The following ZFHX3 variants were observed in gnomAD, a reference collection of about 807,000 sequenced individuals.
ZFHX3 encodes the protein zinc finger homeobox 3, also known as zinc finger homeobox protein 3.
ZFHX3 carries 42 observed loss-of-function variants against 279.1 expected under a neutral mutation model. That is an observed-to-expected ratio of 0.15 (90% CI 0.12 to 0.19). The LOEUF is 0.19. Among genes scored for constraint, ZFHX3 ranks in the 10% least tolerant of loss-of-function variants. The pLI, the probability that ZFHX3 is intolerant of heterozygous loss-of-function variation, is 1.00. For missense variants in ZFHX3, 4,981 were observed against 4,754.0 expected, an observed-to-expected ratio of 1.05 and a Z score of -1.40; for synonymous variants, 2,293 against 1,957.8, an observed-to-expected ratio of 1.17 and a Z score of -4.52.
chr16:73,377,901 C>T (rs1732888510), intron 3 of ZFHX3, among the ~76,000 whole-genome samples: 2 of 150,996 alleles, frequency 1.3e-5, no homozygotes, highest in East Asian at 1.9e-4. Context: ...GGCGTGGTGC[C>T]GAGCGCCTGT....
intron 4 of ZFHX3, among the ~76,000 whole-genome samples, chr16:73,258,912 T>C (rs1018951753): frequency 6.6e-6 from 1 of 152,226 alleles, no homozygotes; most frequent in Non-Finnish European, 1.5e-5. Flanking sequence ...TTCTTACATG[T>C]ACCTGAGTAG....
intron 5 of ZFHX3, among the ~76,000 whole-genome samples, chr16:73,242,085 C>T (rs2013141187): frequency 6.6e-6 from 1 of 152,086 alleles, no homozygotes; most frequent in South Asian, 2.1e-4. Flanking sequence ...CTTCTGGGTT[C>T]CTAACTAGCA....
At chr16:73,073,350 T>A (rs1965847592) in intron 8 of ZFHX3, among the ~76,000 whole-genome samples, 1 of 151,976 alleles carries the variant, frequency 6.6e-6, no homozygotes, top group Non-Finnish European at 1.5e-5. Flanking sequence ...GTGGAAGAGG[T>A]CGGTCATAGA....
intron 1 of ZFHX3, among the ~76,000 whole-genome samples, chr16:73,021,276 G>C (rs1964288906): frequency 6.6e-6 from 1 of 152,160 alleles, no homozygotes; most frequent in Non-Finnish European, 1.5e-5. Flanking sequence ...GAGCTGGCCA[G>C]CCCAGCCAAG....
intron 5 of ZFHX3, among the ~76,000 whole-genome samples, chr16:73,183,944 G>C (rs1256516885): frequency 6.6e-6 from 1 of 152,070 alleles, no homozygotes; most frequent in East Asian, 1.9e-4. Context: ...ATTAAAAACA[G>C]TTGTGAAACT....
At chr16:73,705,458 C>A in intron 1 of ZFHX3, among the ~76,000 whole-genome samples, 1 of 152,184 alleles carries the variant, frequency 6.6e-6, no homozygotes, top group Non-Finnish European at 1.5e-5. Context: ...TACTCTGATG[C>A]TGCAAAGGCG....
intron 2 of ZFHX3, among the ~76,000 whole-genome samples, chr16:73,545,477 T>C (rs1596990352): frequency 6.6e-6 from 1 of 152,156 alleles, no homozygotes; most frequent in Non-Finnish European, 1.5e-5. Context: ...GACATCCCCT[T>C]AGCTGAAGGA....
intron 3 of ZFHX3, among the ~76,000 whole-genome samples, chr16:72,945,717 C>T (rs1451768774): frequency 6.6e-6 from 1 of 152,076 alleles, no homozygotes. Context: ...AGGCAACTGG[C>T]TCCAGAATCC....
At chr16:73,590,654 A>G (rs1449397898) in intron 2 of ZFHX3, among the ~76,000 whole-genome samples, 3 of 152,228 alleles carry the variant, frequency 2.0e-5, no homozygotes, top group Non-Finnish European at 4.4e-5. Context: ...ATAATCAAGT[A>G]TTTGTCAGCA....
At chr16:73,448,722 A>G (rs866408548) in intron 3 of ZFHX3, among the ~76,000 whole-genome samples, 28 of 52,488 alleles carry the variant, frequency 5.3e-4, no homozygotes, top group South Asian at 7.9e-4. Flanking sequence ...GTGTGTGTGT[A>G]TCTTCCTCTT....
intron 6 of ZFHX3, among the ~76,000 whole-genome samples, chr16:73,133,941 T>A (rs1185127976): frequency 2.0e-5 from 3 of 152,232 alleles, no homozygotes; most frequent in African/African-American, 7.2e-5. Flanking sequence ...TTTGGACTGA[T>A]GGCTTTCCAG....
rs900274313 is a variant in ZFHX3, at chr16:73,301,944, A to G, written c.-1194+16296T>C. On this transcript the variant is annotated intron_variant, in intron 4 of 17. Coordinates refer to the ZFHX3 transcript ENST00000641206. ...GGCTGTGGGTGCTGCGGCAACCACA[A>G]GGCCCGACAGAGTCCATGCAAGCCA... Among the ~76,000 whole-genome samples the G allele has an allele frequency of 3.3e-5, 5 of 152,246 alleles. No homozygotes were observed. The South Asian group carries it at 1.0e-3, about 32-fold the overall frequency.
chr16:73,016,769 T>C (rs1339781968), intron 1 of ZFHX3, among the ~76,000 whole-genome samples: 1 of 152,070 alleles, frequency 6.6e-6, no homozygotes, highest in African/African-American at 2.4e-5. Flanking sequence ...ATGTTCTCTG[T>C]GCCTCTCATG....
At chr16:73,600,774 C>T (rs9934273) in intron 2 of ZFHX3, among the ~76,000 whole-genome samples, 1 of 152,068 alleles carries the variant, frequency 6.6e-6, no homozygotes, top group Non-Finnish European at 1.5e-5. Flanking sequence ...TTAGGCTTGT[C>T]TTTGTCAACA....
At chr16:73,651,230 C>G (rs558573702) in intron 2 of ZFHX3, among the ~76,000 whole-genome samples, 2 of 99,448 alleles carry the variant, frequency 2.0e-5, no homozygotes, top group Non-Finnish European at 4.8e-5. Flanking sequence ...ATCCAGAATA[C>G]GAGGAGAAAA....
chr16:73,736,627 C>T (rs1047839796), intron 1 of ZFHX3, among the ~76,000 whole-genome samples: 5 of 152,218 alleles, frequency 3.3e-5, no homozygotes, highest in African/African-American at 1.2e-4. Flanking sequence ...AAAGAAACTT[C>T]ATTCCTCAGT....
At chr16:72,882,807 G>A (rs778232340) in intron 4 of ZFHX3, among the ~76,000 whole-genome samples, 2 of 152,070 alleles carry the variant, frequency 1.3e-5, no homozygotes, top group African/African-American at 4.8e-5. Context: ...TTCTTGCCTG[G>A]TATCGACGTA....
chr16:73,319,781 T>C (rs1267330515), intron 3 of ZFHX3, among the ~76,000 whole-genome samples: 1 of 152,124 alleles, frequency 6.6e-6, no homozygotes, highest in Non-Finnish European at 1.5e-5. Context: ...CTTCCTATTG[T>C]GAGCACTTCA....
intron 4 of ZFHX3, among the ~76,000 whole-genome samples, chr16:73,274,382 C>G (rs143863092): frequency 6.6e-6 from 1 of 152,296 alleles, no homozygotes; most frequent in East Asian, 1.9e-4. Flanking sequence ...ACTTACTAAT[C>G]TTTTCCTTTG....
Sources: gnomAD v4.1 joint callset for allele counts (sites outside exome capture counted in the v4.1 genomes callset) on GRCh38, gnomAD v4.1.1 for gene constraint, MANE v1.5 for transcripts, NCBI Gene and HGNC (gene_info 2026-07-23, HGNC 2026-07-21) for gene names.